The following UNKL variants were observed in gnomAD, a reference collection of about 807,000 sequenced individuals.
UNKL encodes the protein unk like zinc finger, also known as putative E3 ubiquitin-protein ligase UNKL.
A neutral mutation model predicts 78.0 loss-of-function variants in UNKL; 60 were observed. The ratio of observed to expected loss-of-function variants is 0.77; its 90% confidence interval spans 0.63 to 0.95. The LOEUF is 0.95. Ranked by LOEUF, UNKL falls within the 40% of genes least tolerant of loss-of-function variation. The pLI, the probability that UNKL is intolerant of heterozygous loss-of-function variation, is 0.00. For synonymous variants in UNKL, 608 were observed against 474.8 expected (o/e 1.28, Z -3.65); for missense variants, 1,159 against 1,045.7 (o/e 1.11, Z -1.49).
Position 1,363,508 on chromosome 16 carries a change from C to G in UNKL, c.*2732G>C. 3.7e-6 allele frequency: 1 copy of G among 270,430 alleles called. No individual in the cohort carries two copies. The highest frequency in any genetic ancestry group is 7.3e-6 in the Non-Finnish European group (1 of 136,422). 16.8% of individuals were successfully genotyped at this position (270,430 alleles called of 1,614,324 possible). On this transcript the variant is annotated 3_prime_UTR_variant, in exon 15 of 15. Transcript: ENST00000389221. Reference sequence around the variant, plus strand: ...ACGTCGTGACACCACTGTATCACGGCGAATGTCGAACACTAGAGTTACAGA... The same window carrying G: ...ACGTCGTGACACCACTGTATCACGGGGAATGTCGAACACTAGAGTTACAGA...
At chr16:1,369,118 G>A (rs2035567069) in intron 12 of UNKL, among the ~76,000 whole-genome samples, 1 of 133,506 alleles carries the variant, frequency 7.5e-6, no homozygotes, top group African/African-American at 2.8e-5. Context: ...AGGCTGGATT[G>A]GAGTGCAGTG....
At position 1,384,897 on chromosome 16, in the gene UNKL, C is replaced by G. The variant is rs879883030; in HGVS notation, c.1264+311G>C. Among the ~76,000 whole-genome samples, 473 of 152,322 alleles carry G rather than the reference C, an allele frequency of 3.1e-3. 8 individuals are homozygous for G. Among genetic ancestry groups the G allele is most frequent in the East Asian group, 0.029 (151 of 5,180 alleles). Reference sequence around the variant, plus strand: ...CACAGGCGGCCAACTCCCACAACTCCCATCATCTGTCAACAACCTCCCCGT... The same window carrying G: ...CACAGGCGGCCAACTCCCACAACTCGCATCATCTGTCAACAACCTCCCCGT... On this transcript the variant is annotated intron_variant, in intron 10 of 14. Transcript: ENST00000389221.
At position 1,399,309 on chromosome 16, in the gene UNKL, C is replaced by T. The variant is rs960379080; in HGVS notation, c.734+65G>A. ...CATTAGAACCCCGGGGTGGGCAACG[C>T]GAGCCACGGGCCGGGAAGGACGCCC... On this transcript the variant is annotated intron_variant, in intron 5 of 14. Coordinates refer to ENST00000389221, the MANE Select transcript of UNKL (RefSeq NM_001372107.1). The surrounding 1 kb of genome is among the most constrained non-coding windows in gnomAD (Gnocchi z 5.8). 2.7e-5 allele frequency: 40 copies of T among 1,464,232 alleles called. No individual in the cohort carries two copies. The highest frequency in any genetic ancestry group is 1.1e-4 in the African/African-American group (8 of 70,384). 90.7% of individuals were successfully genotyped at this position (1,464,232 alleles called of 1,614,324 possible). A position where few individuals can be genotyped will look rare whatever the true frequency, so the allele number is the denominator to read the frequency against.
At position 1,370,332 on chromosome 16, in the gene UNKL, T is replaced by G. The variant is rs2035699774; in HGVS notation, c.1383A>C (p.Ala461=). 1 of 1,532,150 alleles carries G rather than the reference T, an allele frequency of 6.5e-7. No individual in the cohort carries two copies. Among genetic ancestry groups the G allele is most frequent in the South Asian group, 1.2e-5 (1 of 83,720 alleles). 94.9% of individuals were successfully genotyped at this position (1,532,150 alleles called of 1,614,324 possible). A position where few individuals can be genotyped will look rare whatever the true frequency, so the allele number is the denominator to read the frequency against. The change falls in exon 12 of 15, where the codon GCA becomes GCC. Residue 461 remains alanine, a synonymous_variant. Transcript: ENST00000389221. ...AAGPRSLAGS[A]PVAIPGSLPR... ...GCAGGGAGCCGGGGATGGCGACAGG[T>G]GCAGAGCCGGCCAGCGACCTGGGAC...
At position 1,399,296 on chromosome 16, in the gene UNKL, G is replaced by A. The variant is rs554443980; in HGVS notation, c.734+78C>T. On this transcript the variant is annotated intron_variant, in intron 5 of 14. Transcript: ENST00000389221. The surrounding 1 kb of genome is among the most constrained non-coding windows in gnomAD (Gnocchi z 5.8). Reference sequence around the variant, plus strand: ...AGGGCAGCCCTCCCATTAGAACCCCGGGGTGGGCAACGCGAGCCACGGGCC... The same window carrying A: ...AGGGCAGCCCTCCCATTAGAACCCCAGGGTGGGCAACGCGAGCCACGGGCC... 109 of 1,448,216 alleles carry A rather than the reference G, an allele frequency of 7.5e-5. No individual in the cohort carries two copies. Among genetic ancestry groups the A allele is most frequent in the African/African-American group, 7.1e-4 (50 of 70,180 alleles). The allele number at this position is 1,448,216 out of a possible 1,614,324, so 89.7% of individuals were successfully genotyped here.
At chr16:1,398,524 A>G in intron 5 of UNKL, 29 of 1,310,800 alleles carry the variant, frequency 2.2e-5, no homozygotes, top group Non-Finnish European at 2.7e-5. Flanking sequence ...GTCCTTCCCA[A>G]AGGAAGCACA....
intron 4 of UNKL, among the ~76,000 whole-genome samples, chr16:1,400,249 T>C (rs2037459641): frequency 6.6e-6 from 1 of 150,808 alleles, no homozygotes; most frequent in South Asian, 2.1e-4. Context: ...TGAAACCCCG[T>C]CTCTACTAAA....
At position 1,370,257 on chromosome 16, in the gene UNKL, G is replaced by A. The variant is rs777982929; in HGVS notation, c.1458C>T (p.Leu486=). 2.2e-5 allele frequency: 34 copies of A among 1,534,436 alleles called. No individual in the cohort carries two copies. Among genetic ancestry groups the A allele is most frequent in the Non-Finnish European group, 1.7e-5 (20 of 1,143,768 alleles). The change falls in exon 12 of 15, where the codon CTC becomes CTT. Residue 486 remains leucine (L), a synonymous_variant. Transcript: ENST00000389221. ...CTGGGAGGGGCTGGGACAGCGAACC[G>A]AGCGGCGAGGTGGACGCAGAGGATG... ...HSPSSASTSP[L]GSLSQPLPGP...
chr16:1,412,920 G>A (rs145324781), intron 2 of UNKL, among the ~76,000 whole-genome samples: 1 of 152,104 alleles, frequency 6.6e-6, no homozygotes, highest in Non-Finnish European at 1.5e-5. Flanking sequence ...CACTTGGCCA[G>A]AGGTTGGTTC....
chr16:1,384,055 T>C, intron 10 of UNKL: 1 of 192,578 alleles, frequency 5.2e-6, no homozygotes, highest in South Asian at 8.6e-5. Flanking sequence ...ACAGGTGGCC[T>C]TCCCTGAGTC....
intron 10 of UNKL, chr16:1,379,719 G>A (rs530936344): frequency 9.7e-5 from 82 of 841,574 alleles, no homozygotes; most frequent in African/African-American, 9.4e-4. Context: ...CGCTGGCCCC[G>A]CCCCGCAACG....
chr16:1,413,957 T>C lies in UNKL; in HGVS notation c.176A>G (p.Asn59Ser). 3 of 1,552,650 alleles carry C rather than the reference T, an allele frequency of 1.9e-6. No homozygotes were observed. The highest frequency in any genetic ancestry group is 2.4e-5 in the East Asian group (1 of 40,964). Residue 59 changes from asparagine to serine, a missense_variant, in exon 2 of 15, where the codon AAC (asparagine) becomes AGC (serine). Physicochemically the swap from Asn to Ser is conservative, Grantham distance 46. Coordinates refer to ENST00000389221, the MANE Select transcript of UNKL (RefSeq NM_001372107.1). ...GCGGAGGGGCCTGCGGCGCCGCTGG[T>C]TGAGGAAGTGCCAGTGGAAGCAGGT... Reference protein sequence around the residue: ...PFTCFHWHFLNQRRRRPLRRR... With the variant: ...PFTCFHWHFLSQRRRRPLRRR...
intron 10 of UNKL, among the ~76,000 whole-genome samples, chr16:1,376,433 T>TC (rs1329355975): frequency 6.9e-6 from 1 of 145,254 alleles, no homozygotes; most frequent in Non-Finnish European, 1.5e-5. Context: ...ATGCTCCTCC[T>TC]CCCTCTTTCC....
intron 6 of UNKL, 185 bp downstream of exon 6, chr16:1,396,993 G>C: frequency 3.3e-6 from 2 of 612,720 alleles, no homozygotes. Flanking sequence ...GCAGCCCGAA[G>C]GCCAGCAAGC....
chr16:1,372,684 G>C (rs2035954419), intron 10 of UNKL, among the ~76,000 whole-genome samples: 3 of 152,218 alleles, frequency 2.0e-5, no homozygotes, highest in African/African-American at 7.2e-5. Context: ...TCTGGGATCT[G>C]AGAGCCCACG....
chr16:1,383,602 C>T (rs896712838), intron 10 of UNKL: 8 of 379,440 alleles, frequency 2.1e-5, no homozygotes, highest in Admixed American at 6.0e-5. Context: ...TCTCTCTCCT[C>T]GGCCTCCTTG....
In UNKL at chr16:1,398,481, G is replaced by C. The variant is rs937969302; in HGVS notation, c.734+893C>G. 6 of 1,214,252 alleles carry C rather than the reference G, an allele frequency of 4.9e-6. No homozygotes were observed. The African/African-American group carries it at 7.9e-5, about 16-fold the overall frequency. The allele number at this position is 1,214,252 out of a possible 1,614,324, so 75.2% of individuals were successfully genotyped here. A position where few individuals can be genotyped will look rare whatever the true frequency, so the allele number is the denominator to read the frequency against. ...TTTACTCGGAAGCTGCTCAGAGGGA[G>C]ACTGAACGTGGCATAACAACAAGGA... On this transcript the variant is annotated intron_variant, in intron 5 of 14. Coordinates refer to ENST00000389221, the MANE Select transcript of UNKL (RefSeq NM_001372107.1).
intron 8 of UNKL, among the ~76,000 whole-genome samples, chr16:1,391,725 T>C (rs987285435): frequency 6.6e-6 from 1 of 152,136 alleles, no homozygotes; most frequent in Non-Finnish European, 1.5e-5. Context: ...TCTCACTCTG[T>C]CATCCAGGCT....
chr16:1,414,025 G>T lies in UNKL; in HGVS notation c.108C>A (p.Cys36Ter). The stretch of plus-strand genomic sequence containing the variant: ...CGCACTTGTGCTGTGAAAACAGGGG[G>T]CACTGCTCCGTCCTGAACTCCTTCA... ...RYLKEFRTEQ[C>*]PLFSQHKCAQ... is the part of the protein sequence containing the mutation. Residue 36 changes from cysteine (C) to a stop codon, truncating the protein, a stop_gained, in exon 2 of 15, where the codon TGC becomes TGA. Coordinates refer to ENST00000389221, the MANE Select transcript of UNKL (RefSeq NM_001372107.1). LOFTEE classifies it high-confidence loss of function. 6.4e-7 allele frequency: 1 copy of T among 1,550,810 alleles called. No homozygotes were observed.
Sources: allele counts gnomAD v4.1 joint callset (sites outside exome capture counted in the v4.1 genomes callset), GRCh38; gene constraint gnomAD v4.1.1; non-coding constraint Gnocchi (gnomAD v3.1); transcripts MANE v1.5; gene names NCBI Gene and HGNC (gene_info 2026-07-23, HGNC 2026-07-21).